Variants in TDP1 observed in about 807,000 individuals in gnomAD.
TDP1 encodes tyrosyl-DNA phosphodiesterase 1, also known as tyr-DNA phosphodiesterase 1.
Under a neutral mutation model 81.5 loss-of-function variants are expected in TDP1, and 64 were observed. The ratio of observed to expected loss-of-function variants is 0.79; its 90% CI spans 0.64 to 0.97. The LOEUF (loss-of-function observed/expected upper bound fraction) is 0.97, where lower values mean the gene tolerates loss of function less well. Among genes scored for constraint, TDP1 ranks in the 50% least tolerant of loss-of-function variants. The probability of loss-of-function intolerance (pLI) is 0.00; values close to 1 mark genes in which losing one functional copy is unlikely to be tolerated. For synonymous variants in TDP1, 256 were observed against 264.3 expected, an observed-to-expected ratio of 0.97 and a Z score of 0.30; for missense variants, 723 against 743.8, an observed-to-expected ratio of 0.97 and a Z score of 0.33.
rs565032721 is a variant in TDP1 at position 90,003,485 on chromosome 14, G to A, written c.1541+10002G>A. Among the ~76,000 whole-genome samples the A allele has an allele frequency of 4.0e-4, 61 of 152,252 alleles. 1 individual carries two copies. In the South Asian group the frequency reaches 0.011, roughly 27 times the overall value. Reference sequence around the variant, plus strand: ...ATCATCCCATGTTTGATGGGCAGCCGGTTGTTAGGGAAATTATTGGGACAT... The same window carrying A: ...ATCATCCCATGTTTGATGGGCAGCCAGTTGTTAGGGAAATTATTGGGACAT... On this transcript the variant is annotated intron_variant, in intron 14 of 16. Coordinates refer to ENST00000335725, the MANE Select transcript of TDP1 (RefSeq NM_018319.4).
rs556923942 is a variant in TDP1 at position 89,971,663 on chromosome 14, T to C, written c.756+392T>C. Among the ~76,000 whole-genome samples, 98 of 152,338 alleles carry C rather than the reference T, an allele frequency of 6.4e-4. No individual in the cohort carries two copies. In the Middle Eastern group the frequency reaches 0.01, roughly 16 times the overall value. ...ATTCTCTTTCTTCAGTTTTACTCAATGTAGTATGGATTCTGAGTCTTTCCG... is the reference window on the plus strand; with the variant it reads ...ATTCTCTTTCTTCAGTTTTACTCAACGTAGTATGGATTCTGAGTCTTTCCG... On this transcript the variant is annotated intron_variant, in intron 6 of 16. Coordinates refer to ENST00000335725, the MANE Select transcript of TDP1 (RefSeq NM_018319.4).
At chr14:89,987,114 G>T (rs1315667704) in intron 10 of TDP1, 1 of 152,260 alleles carries the variant, frequency 6.6e-6, no homozygotes, top group Middle Eastern at 3.2e-3. Flanking sequence ...GTTAAACTAT[G>T]ACTGTTAAGC....
In TDP1 at chr14:90,044,047, C is replaced by T. The variant is rs886050884; in HGVS notation, c.*904C>T. On this transcript the variant is annotated 3_prime_UTR_variant, in exon 17 of 17. Transcript: ENST00000335725. ...ATTGTATTGACTGTCCTCACAGCGG[C>T]TTTTCATAGCTTTCAGCTTCAGCTT... The T allele has an allele frequency of 7.2e-5, 11 of 152,300 alleles. No individual in the cohort carries two copies. The highest frequency in any genetic ancestry group is 1.3e-4 in the Non-Finnish European group (9 of 68,114). The allele number at this position is 152,300 out of a possible 1,614,324, so 9.4% of individuals were successfully genotyped here.
intron 7 of TDP1, among the ~76,000 whole-genome samples, chr14:89,978,587 C>G (rs923081371): frequency 2.0e-5 from 3 of 152,302 alleles, no homozygotes; most frequent in Middle Eastern, 6.8e-3. Context: ...TTAACTGTGA[C>G]CTTATTAACA....
chr14:89,998,422 ATG>A lies in TDP1; in HGVS notation c.1541+4941_1541+4942del, dbSNP rs1168085521. On this transcript the variant is annotated intron_variant, in intron 14 of 16. Coordinates refer to ENST00000335725, the MANE Select transcript of TDP1 (RefSeq NM_018319.4). Reference sequence around the variant, plus strand: ...TATATATATATATATATATATATATATGTATGTATGTATGTATGTATATGTAT... The same window carrying A: ...TATATATATATATATATATATATATATATGTATGTATGTATGTATATGTAT... 2.0e-3 allele frequency among the ~76,000 whole-genome samples: 184 copies of A among 93,786 alleles called. 7 individuals are homozygous for A. The highest frequency in any genetic ancestry group is 7.9e-3 in the African/African-American group (162 of 20,466). 61.5% of individuals were successfully genotyped at this position (93,786 alleles called of 152,430 possible).
intron 2 of TDP1, among the ~76,000 whole-genome samples, chr14:89,962,073 T>G (rs936832509): frequency 1.3e-5 from 2 of 152,232 alleles, no homozygotes. Context: ...TGTACTTTCC[T>G]GTTCTCAGAA....
intron 1 of TDP1, 51 bp from the exon 2 acceptor site, chr14:89,956,527 C>T (rs28422802): frequency 0.25 from 38,310 of 152,340 alleles, 8,017 homozygotes; most frequent in African/African-American, 0.56. Context: ...GTCCCCAACG[C>T]CTTCAGCAAG....
Position 90,025,583 on chromosome 14 carries a change from G to A in TDP1, c.1644+6165G>A, listed in dbSNP as rs147044132. Among the ~76,000 whole-genome samples the A allele has an allele frequency of 8.5e-5, 13 of 152,198 alleles. No individual in the cohort carries two copies. In the East Asian group the frequency reaches 1.3e-3, roughly 16 times the overall value. ...TGTTTGGTGTATAGTAGTAGTAGTC[G>A]CCTAATAAAAGTTTGTTAATTTAAA... On this transcript the variant is annotated intron_variant, in intron 15 of 16. Transcript: ENST00000335725.
chr14:90,009,576 A>G (rs1289506513), intron 14 of TDP1, among the ~76,000 whole-genome samples: 1 of 152,210 alleles, frequency 6.6e-6, no homozygotes, highest in Non-Finnish European at 1.5e-5. Flanking sequence ...AAAGCACATA[A>G]TAGATTGAAG....
In TDP1 at chr14:90,012,056, G is replaced by A. The variant is rs532870459; in HGVS notation, c.1542-7260G>A. Among the ~76,000 whole-genome samples the A allele has an allele frequency of 1.1e-4, 17 of 152,348 alleles. 1 individual carries two copies. Among genetic ancestry groups the A allele is most frequent in the African/African-American group, 3.8e-4 (16 of 41,590 alleles). On this transcript the variant is annotated intron_variant, in intron 14 of 16. Coordinates refer to ENST00000335725, the MANE Select transcript of TDP1 (RefSeq NM_018319.4). Reference sequence around the variant, plus strand: ...GCCCAGGCCCTTGCCGCTTTGTGCAGTCTTGGGACTTGGTGCCCTGCATCC... The same window carrying A: ...GCCCAGGCCCTTGCCGCTTTGTGCAATCTTGGGACTTGGTGCCCTGCATCC...
At position 89,975,844 on chromosome 14, in the gene TDP1, C is replaced by T. The variant is rs745950927; in HGVS notation, c.791+29C>T. 1.9e-6 allele frequency: 3 copies of T among 1,588,654 alleles called. No homozygotes were observed. The African/African-American group carries it at 4.0e-5, about 21-fold the overall frequency. ...AGCACTTTTTGTGAAATAGGGGAACCCCTCAAGCATTGTCATTTGTCCATT... is the reference window on the plus strand; with the variant it reads ...AGCACTTTTTGTGAAATAGGGGAACTCCTCAAGCATTGTCATTTGTCCATT... On this transcript the variant is annotated intron_variant, in intron 7 of 16. Transcript: ENST00000335725.
intron 15 of TDP1, chr14:90,023,182 A>AT (rs1886286033): frequency 8.6e-6 from 6 of 700,988 alleles, no homozygotes; most frequent in Non-Finnish European, 1.3e-5. Flanking sequence ...AAGAGGGACC[A>AT]TGTGGTCTGC....
intron 3 of TDP1, chr14:89,965,651 T>G: frequency 7.6e-5 from 26 of 344,346 alleles, no homozygotes; most frequent in Non-Finnish European, 1.0e-4. Context: ...ACCAGGAATG[T>G]GAGTTGATAA....
intron 3 of TDP1, chr14:89,965,036 G>A: frequency 5.5e-6 from 1 of 182,592 alleles, no homozygotes. Flanking sequence ...GGAGGAAGGG[G>A]GACTTCAAAA....
At position 89,985,217 on chromosome 14, in the gene TDP1, G is replaced by C. The variant is rs1895419637; in HGVS notation, c.1131+7G>C. On this transcript the variant is annotated splice_region_variant and intron_variant, in intron 10 of 16. Transcript: ENST00000335725. The stretch of plus-strand genomic sequence containing the variant: ...ACATTTTAGACTTAAGAAGGTAACA[G>C]AACTTTTACTATTTTAACATTTTTA... 6.4e-7 allele frequency: 1 copy of C among 1,565,632 alleles called. No individual in the cohort carries two copies. Among genetic ancestry groups the C allele is most frequent in the Non-Finnish European group, 8.8e-7 (1 of 1,141,052 alleles).
chr14:89,957,105 A>AAG (rs1891749551), intron 2 of TDP1: 1 of 152,154 alleles, frequency 6.6e-6, no homozygotes, highest in African/African-American at 2.4e-5. Context: ...TCACCCCATC[A>AAG]TTTAGACAGC....
In TDP1 at chr14:89,963,547, T is replaced by C; in HGVS notation, c.433T>C (p.Tyr145His). Reference protein sequence around the residue: ...CHRLKEEEDEYETSGEGQDIW... With the variant: ...CHRLKEEEDEHETSGEGQDIW... ...CAGGCTCAAAGAGGAGGAAGACGAG[T>C]ATGAGACATCAGGGGAGGGCCAGGA... The change falls in exon 3 of 17, where the codon TAT becomes CAT. Residue 145 changes from tyrosine to histidine, a missense_variant. Coordinates refer to ENST00000335725, the MANE Select transcript of TDP1 (RefSeq NM_018319.4). 6.2e-7 allele frequency: 1 copy of C among 1,610,604 alleles called. No individual in the cohort carries two copies. Among genetic ancestry groups the C allele is most frequent in the Non-Finnish European group, 8.5e-7 (1 of 1,178,092 alleles).
At position 89,989,137 on chromosome 14, in the gene TDP1, A is replaced by G. The variant is rs1300464727; in HGVS notation, c.1317+47A>G. Reference sequence around the variant, plus strand: ...GGTAGTTTACTTTTATTCTCTACACAGGAGAAGAATTGAAAATTGGTCCTC... The same window carrying G: ...GGTAGTTTACTTTTATTCTCTACACGGGAGAAGAATTGAAAATTGGTCCTC... On this transcript the variant is annotated intron_variant, in intron 11 of 16. Coordinates refer to ENST00000335725, the MANE Select transcript of TDP1 (RefSeq NM_018319.4). 1.9e-6 allele frequency: 3 copies of G among 1,543,368 alleles called. No individual in the cohort carries two copies. The South Asian group carries it at 3.3e-5, about 17-fold the overall frequency.
rs1596711433 is a variant in TDP1 at position 90,033,152 on chromosome 14, A to G, written c.1691A>G (p.Gln564Arg). 6.2e-7 allele frequency: 1 copy of G among 1,613,728 alleles called. No homozygotes were observed. The highest frequency in any genetic ancestry group is 8.5e-7 in the Non-Finnish European group (1 of 1,179,686). ...AAACAGAAGTTCTTCGCTGGCAGCC[A>G]GGAGCCAATGGCCACCTTTCCTGTG... ...KVKQKFFAGS[Q>R]EPMATFPVPY... The change falls in exon 16 of 17, where the codon CAG (glutamine) becomes CGG (arginine). Residue 564 changes from glutamine (Q) to arginine (R), a missense_variant. Gln to Arg is a conservative substitution (Grantham distance 43). Transcript: ENST00000335725.
Sources: gnomAD v4.1 joint callset for allele counts (sites outside exome capture counted in the v4.1 genomes callset) on GRCh38, gnomAD v4.1.1 for gene constraint, MANE v1.5 for transcripts, NCBI Gene and HGNC (gene_info 2026-07-23, HGNC 2026-07-21) for gene names.